CAPN12: variants seen among roughly 807,000 people sequenced by gnomAD.
CAPN12 encodes calpain-12.
CAPN12 carries 107 observed loss-of-function variants against 95.0 expected under a neutral mutation model. The observed-to-expected ratio is 1.13, with a 90% CI of 0.96 to 1.32. The LOEUF is 1.32. CAPN12 is among the 40% of genes most tolerant of loss of function. The probability of loss-of-function intolerance (pLI) is 0.00; values close to 1 mark genes in which losing one functional copy is unlikely to be tolerated. For missense variants in CAPN12, 1,136 were observed against 997.8 expected (o/e 1.14, Z -1.87); for synonymous variants, 505 against 415.5 (o/e 1.22, Z -2.62).
rs377079795 is a variant in CAPN12 at position 38,734,218 on chromosome 19, C to T, written c.1816-14G>A. 81 of 1,612,544 alleles carry T rather than the reference C, an allele frequency of 5.0e-5. No homozygotes were observed. The Admixed American group carries it at 7.7e-4, about 15-fold the overall frequency. ...GCTTTGCCCATGCTGTGTTGGGGGT[C>T]GGGGGCATCTGGTTAAGGTCAATCT... On this transcript the variant is annotated splice_polypyrimidine_tract_variant and intron_variant, in intron 16 of 20. Coordinates refer to ENST00000328867, the MANE Select transcript of CAPN12 (RefSeq NM_144691.4).
intron 20 of CAPN12, 26 bp downstream of exon 20, chr19:38,730,939 C>T (rs774363910): frequency 1.3e-6 from 2 of 1,550,526 alleles, no homozygotes; most frequent in Middle Eastern, 1.7e-4. Flanking sequence ...GAGCCTGAGC[C>T]ACCCTGTCCC....
Position 38,741,873 on chromosome 19 carries a change from T to C in CAPN12, c.464A>G (p.Asp155Gly). ...CCCCTCACGCACGGGCAGCCTGTCATCCACCACGACGTCCATCCAGCGGCC... is the reference window on the plus strand; with the variant it reads ...CCCCTCACGCACGGGCAGCCTGTCACCCACCACGACGTCCATCCAGCGGCC... ...QFGRWMDVVVDDRLPVREGKL... is the reference protein window; with the variant it reads ...QFGRWMDVVVGDRLPVREGKL... Residue 155 changes from aspartate to glycine, a missense_variant, in exon 4 of 21, where the codon GAT (aspartate) becomes GGT (glycine). Coordinates refer to ENST00000328867, the MANE Select transcript of CAPN12 (RefSeq NM_144691.4). The C allele has an allele frequency of 1.2e-6, 2 of 1,614,024 alleles. No homozygotes were observed. Among genetic ancestry groups the C allele is most frequent in the Non-Finnish European group, 1.7e-6 (2 of 1,180,018 alleles).
intron 8 of CAPN12, among the ~76,000 whole-genome samples, chr19:38,737,883 A>C (rs1252254929): frequency 1.3e-5 from 2 of 152,016 alleles, no homozygotes; most frequent in Non-Finnish European, 2.9e-5. Context: ...AATTGCCACC[A>C]ACCCCCAAAT....
chr19:38,734,618 C>T (rs2145164624), intron 15 of CAPN12, 195 bp downstream of exon 15: 1 of 649,142 alleles, frequency 1.5e-6, no homozygotes, highest in Non-Finnish European at 2.6e-6. Context: ...GGAAGGGGAG[C>T]TTGCGAGCAG....
intron 10 of CAPN12, chr19:38,736,899 G>GCCCCCCACC: frequency 4.5e-6 from 2 of 447,600 alleles, no homozygotes; most frequent in Admixed American, 4.1e-5. Context: ...CTGAGACCTG[G>GCCCCCCACC]CCCCCCAGCC....
At chr19:38,738,218 G>C in intron 8 of CAPN12, 55 bp downstream of exon 8, 2 of 1,530,674 alleles carry the variant, frequency 1.3e-6, no homozygotes, top group African/African-American at 1.6e-5. Flanking sequence ...CGCCCTCCCT[G>C]AACCCCTTGG....
rs534096781 is a variant in CAPN12 at position 38,736,574 on chromosome 19, C to T, written c.1363-11G>A. The T allele has an allele frequency of 6.4e-7, 1 of 1,557,690 alleles. No individual in the cohort carries two copies. The highest frequency in any genetic ancestry group is 1.4e-5 in the African/African-American group (1 of 69,880). The stretch of plus-strand genomic sequence containing the variant: ...CACCTCCTCTGGAATCTGAAAGAAG[C>T]AAGAGCAAGGGGCGTCGGGGCAGGG... On this transcript the variant is annotated splice_polypyrimidine_tract_variant and intron_variant, in intron 10 of 20. Transcript: ENST00000328867.
At chr19:38,736,604 G>GAGGGGAGAGA in intron 10 of CAPN12, 41 bp from the exon 11 acceptor site, 3 of 1,583,210 alleles carry the variant, frequency 1.9e-6, no homozygotes, top group Non-Finnish European at 1.7e-6. Context: ...GCAGGGGAGA[G>GAGGGGAGAGA]GTGGCCGCCG....
rs1970744520 is a variant in CAPN12 at position 38,744,014 on chromosome 19, AAG to A, written c.150_151del (p.Phe51ProfsTer5). ...GCCAAGGGCATCAGGGCCAGCAGGG[AAG>A]TAAGGGTCGCGGAACAGGATCCCCG... On this transcript the variant is annotated frameshift_variant, in exon 1 of 21. Transcript: ENST00000328867. LOFTEE classifies it high-confidence loss of function. 6.2e-7 allele frequency: 1 copy of A among 1,613,986 alleles called. No individual in the cohort carries two copies. The highest frequency in any genetic ancestry group is 1.3e-5 in the African/African-American group (1 of 74,886).
chr19:38,736,091 T>C lies in CAPN12; in HGVS notation c.1583+19A>G, dbSNP rs1388427848. ...TGTCTAGGCAGGGATGGGGTCGGATTTGGGTGCCCGGGGCTCACACGGCCG... is the reference window on the plus strand; with the variant it reads ...TGTCTAGGCAGGGATGGGGTCGGATCTGGGTGCCCGGGGCTCACACGGCCG... On this transcript the variant is annotated intron_variant, in intron 12 of 20. Transcript: ENST00000328867. 3.5e-6 allele frequency: 5 copies of C among 1,416,288 alleles called. No individual in the cohort carries two copies. In the African/African-American group the frequency reaches 6.3e-5, roughly 18 times the overall value. 87.7% of individuals were successfully genotyped at this position (1,416,288 alleles called of 1,614,324 possible). A position where few individuals can be genotyped will look rare whatever the true frequency, so the allele number is the denominator to read the frequency against.
chr19:38,735,311 G>T, intron 14 of CAPN12, 59 bp downstream of exon 14: 1 of 1,489,546 alleles, frequency 6.7e-7, no homozygotes, highest in Non-Finnish European at 9.0e-7. Context: ...GTGGGGGAAG[G>T]GGGGTCCCCA....
At chr19:38,734,541 C>G (rs1431263782) in intron 15 of CAPN12, 152 bp from the exon 16 acceptor site, 3 of 723,016 alleles carry the variant, frequency 4.1e-6, no homozygotes, top group African/African-American at 3.6e-5. Flanking sequence ...CTGCGCCTAG[C>G]AGAGCTGGGA....
chr19:38,742,629 G>C, intron 2 of CAPN12, 101 bp from the exon 3 acceptor site: 1 of 770,198 alleles, frequency 1.3e-6, no homozygotes, highest in Admixed American at 2.8e-5. Flanking sequence ...AAGGCAGAAA[G>C]ATCACGTGAG....
chr19:38,737,310 G>C lies in CAPN12; in HGVS notation c.1208C>G (p.Pro403Arg), dbSNP rs1373388948. The C allele has an allele frequency of 1.3e-6, 2 of 1,487,070 alleles. No homozygotes were observed. Among genetic ancestry groups the C allele is most frequent in the Non-Finnish European group, 1.8e-6 (2 of 1,114,378 alleles). 92.1% of individuals were successfully genotyped at this position (1,487,070 alleles called of 1,614,324 possible). The change falls in exon 10 of 21, where the codon CCC becomes CGC. Residue 403 changes from proline (P) to arginine (R), a missense_variant. Pro to Arg is a moderately radical substitution (Grantham distance 103). Coordinates refer to ENST00000328867, the MANE Select transcript of CAPN12 (RefSeq NM_144691.4). Reference protein sequence around the residue: ...DEEDDEDEEGPWGGWGAAGAR... With the variant: ...DEEDDEDEEGRWGGWGAAGAR... ...CCCTGCAGCCCCCCAGCCCCCCCAG[G>C]GCCCTTCCTCATCCTCGTCATCCTC...
At chr19:38,735,007 C>T in intron 14 of CAPN12, 137 bp from the exon 15 acceptor site, 1 of 769,548 alleles carries the variant, frequency 1.3e-6, no homozygotes, top group South Asian at 1.8e-5. Context: ...GACCTGTCCC[C>T]ACAGGGCCAG....
At chr19:38,740,629 G>A (rs12986032) in intron 4 of CAPN12, among the ~76,000 whole-genome samples, 8,705 of 151,992 alleles carry the variant, frequency 0.057, 262 homozygotes, top group South Asian at 0.099. Context: ...GTGAAACCCC[G>A]TCTCTACTAA....
In CAPN12 at chr19:38,730,547, CTTTTTTTATTTCTCCT is replaced by C; in HGVS notation, c.*289_*304del. 14 of 466,386 alleles carry C rather than the reference CTTTTTTTATTTCTCCT, an allele frequency of 3.0e-5. No individual in the cohort carries two copies. Among genetic ancestry groups the C allele is most frequent in the Non-Finnish European group, 3.1e-5 (8 of 259,948 alleles). 28.9% of individuals were successfully genotyped at this position (466,386 alleles called of 1,614,324 possible). On this transcript the variant is annotated 3_prime_UTR_variant, in exon 21 of 21. Transcript: ENST00000328867. ...TTAAGAAGGATTCCTGCAGCATCAT[CTTTTTTTATTTCTCCT>C]GTGTCTGTCCTCCACCTTCTAGGAG... is the stretch of plus-strand genomic sequence containing the variant.
At position 38,743,898 on chromosome 19, in the gene CAPN12, C is replaced by CCCCAGAG. The variant is rs772210026; in HGVS notation, c.237+24_237+30dup. ...TGCCTCCAGCCCCTCCTCCCTCAGACCCCAGAGCCCAGACCCCAGCCACAC... is the reference window on the plus strand; with the variant it reads ...TGCCTCCAGCCCCTCCTCCCTCAGACCCCAGAGCCCAGAGCCCAGACCCCAGCCACAC... On this transcript the variant is annotated intron_variant, in intron 1 of 20. Transcript: ENST00000328867. The CCCCAGAG allele has an allele frequency of 7.2e-5, 115 of 1,605,180 alleles. 1 individual carries two copies. The South Asian group carries it at 8.0e-4, about 11-fold the overall frequency.
At chr19:38,734,257 G>A (rs1969848527) in intron 16 of CAPN12, 53 bp from the exon 17 acceptor site, 10 of 1,607,718 alleles carry the variant, frequency 6.2e-6, no homozygotes, top group Non-Finnish European at 7.6e-6. Flanking sequence ...CAGAAGGGGA[G>A]GAGAGACCCC....
Sources: gnomAD v4.1 joint callset for allele counts (sites outside exome capture counted in the v4.1 genomes callset) on GRCh38, gnomAD v4.1.1 for gene constraint, MANE v1.5 for transcripts, NCBI Gene and HGNC (gene_info 2026-07-23, HGNC 2026-07-21) for gene names.